The following PTPN13 variants were observed in gnomAD, a reference collection of about 807,000 sequenced individuals.
PTPN13 encodes the protein tyrosine-protein phosphatase non-receptor type 13.
In PTPN13, 191 loss-of-function variants were observed where a neutral mutation model predicts 284.0. The ratio of observed to expected loss-of-function variants is 0.67; its 90% CI spans 0.60 to 0.76. The LOEUF is 0.76. Ranked by LOEUF, PTPN13 falls within the 30% of genes least tolerant of loss-of-function variation. PTPN13 has a pLI of 0.00. For missense variants in PTPN13, 2,797 were observed against 2,939.9 expected (o/e 0.95, Z 1.12); for synonymous variants, 986 against 1,022.3 (o/e 0.96, Z 0.68).
chr4:86,682,942 A>G (rs1729055941), intron 3 of PTPN13, among the ~76,000 whole-genome samples: 1 of 152,202 alleles, frequency 6.6e-6, no homozygotes, highest in African/African-American at 2.4e-5. Flanking sequence ...TTTAACAAAG[A>G]TCTGACATAC....
chr4:86,716,582 T>A lies in PTPN13; in HGVS notation c.1248T>A (p.Ser416Arg). ...ATGGTGATGTCTTTAGTACCTCCAG[T>A]GAAAGTCCATCTATTATTTCCTCTG... is the stretch of plus-strand genomic sequence containing the variant. ...TYHGDVFSTS[S>R]ESPSIISSES... Residue 416 changes from serine (S) to arginine (R), a missense_variant, in exon 8 of 48, where the codon AGT becomes AGA. Physicochemically the swap from Ser to Arg is moderately radical, Grantham distance 110. Transcript: ENST00000411767. 1 of 1,600,218 alleles carries A rather than the reference T, an allele frequency of 6.2e-7. No individual in the cohort carries two copies. Among genetic ancestry groups the A allele is most frequent in the Non-Finnish European group, 8.5e-7 (1 of 1,173,260 alleles).
At chr4:86,605,057 A>C (rs1309643231) in intron 1 of PTPN13, among the ~76,000 whole-genome samples, 1 of 151,970 alleles carries the variant, frequency 6.6e-6, no homozygotes. Context: ...GGAGTAAAAC[A>C]AAAGATAAGA....
intron 2 of PTPN13, among the ~76,000 whole-genome samples, chr4:86,644,275 G>A (rs1724152308): frequency 6.6e-6 from 1 of 152,092 alleles, no homozygotes; most frequent in South Asian, 2.1e-4. Context: ...GGGACTACAG[G>A]TGTGTGCTAC....
chr4:86,722,238 G>A lies in PTPN13; in HGVS notation c.1412G>A (p.Gly471Asp). The change falls in exon 10 of 48, where the codon GGC (glycine) becomes GAC (aspartate). Residue 471 changes from glycine (G) to aspartate (D), a missense_variant. Gly to Asp is a moderately conservative substitution (Grantham distance 94, BLOSUM62 -1). Coordinates refer to ENST00000411767, the MANE Select transcript of PTPN13 (RefSeq NM_080683.3). ...PSRQYETPFE[G>D]NLINQEIMLK... ...AGACAATATGAAACACCCTTTGAAGGCAACTTAATTAATCAAGAGATCATG... is the reference window on the plus strand; with the variant it reads ...AGACAATATGAAACACCCTTTGAAGACAACTTAATTAATCAAGAGATCATG... 6.2e-7 allele frequency: 1 copy of A among 1,613,404 alleles called. No homozygotes were observed. Among genetic ancestry groups the A allele is most frequent in the Non-Finnish European group, 8.5e-7 (1 of 1,179,606 alleles).
rs964532333 is a variant in PTPN13 at position 86,683,312 on chromosome 4, G to T, written c.295-3398G>T. Among the ~76,000 whole-genome samples, 3 of 152,126 alleles carry T rather than the reference G, an allele frequency of 2.0e-5. No homozygotes were observed. The South Asian group carries it at 6.2e-4, about 31-fold the overall frequency. ...GATGTAGTTCAAGTCTGAGTCCGAA[G>T]GTCAGAGAAACAGTAGAATTGCTGG... On this transcript the variant is annotated intron_variant, in intron 3 of 47. Transcript: ENST00000411767.
chr4:86,682,346 G>A (rs1219734942), intron 3 of PTPN13, among the ~76,000 whole-genome samples: 1 of 152,028 alleles, frequency 6.6e-6, no homozygotes, highest in Non-Finnish European at 1.5e-5. Context: ...AGGTACGGAT[G>A]GACCAACAAA....
chr4:86,643,169 T>A (rs1017823855), intron 2 of PTPN13, among the ~76,000 whole-genome samples: 2 of 152,116 alleles, frequency 1.3e-5, no homozygotes, highest in Non-Finnish European at 2.9e-5. Context: ...ATTAATGAAA[T>A]GAGTAATTTC....
chr4:86,754,507 G>T (rs568077783), intron 20 of PTPN13, among the ~76,000 whole-genome samples: 1 of 151,646 alleles, frequency 6.6e-6, no homozygotes, highest in East Asian at 1.9e-4. Context: ...TTTTTCACAC[G>T]TAAGAAACCA....
intron 42 of PTPN13, among the ~76,000 whole-genome samples, chr4:86,800,550 G>T (rs1365878348): frequency 6.6e-6 from 1 of 152,012 alleles, no homozygotes; most frequent in Non-Finnish European, 1.5e-5. Context: ...TACTCGGGAG[G>T]CTGAGACAGG....
chr4:86,775,265 T>C lies in PTPN13; in HGVS notation c.5603T>C (p.Val1868Ala). 5.6e-6 allele frequency: 9 copies of C among 1,613,638 alleles called. No homozygotes were observed. The highest frequency in any genetic ancestry group is 7.6e-6 in the Non-Finnish European group (9 of 1,179,660). ...ACAGTCAGATTAGTTATTGGACGAG[T>C]TCTAGAATTACCCAGAATACCAATG... The part of the protein sequence containing the change: ...SKTVRLVIGR[V>A]LELPRIPMLP... Residue 1868 changes from valine to alanine, a missense_variant, in exon 34 of 48, where the codon GTT becomes GCT. Val to Ala is a moderately conservative substitution (Grantham distance 64). Transcript: ENST00000411767.
chr4:86,813,487 C>T (rs187335131), intron 47 of PTPN13, among the ~76,000 whole-genome samples: 1 of 151,964 alleles, frequency 6.6e-6, no homozygotes, highest in African/African-American at 2.4e-5. Context: ...ACTCTGTCAC[C>T]CAGGCTGGAG....
chr4:86,758,608 T>G (rs555641083), intron 21 of PTPN13, 70 bp from the exon 22 acceptor site: 17 of 1,309,446 alleles, frequency 1.3e-5, no homozygotes, highest in Non-Finnish European at 1.9e-5. Context: ...TTTCTGTGTT[T>G]CAGGCAGGCT....
Position 86,759,137 on chromosome 4 carries a change from A to T in PTPN13, c.3553+64A>T, listed in dbSNP as rs1738369994. 2.0e-6 allele frequency: 3 copies of T among 1,516,206 alleles called. No homozygotes were observed. The South Asian group carries it at 3.8e-5, about 19-fold the overall frequency. 93.9% of individuals were successfully genotyped at this position (1,516,206 alleles called of 1,614,324 possible). The stretch of plus-strand genomic sequence containing the variant: ...TTTTCTGTCTCATTCCTTTTTAGTG[A>T]TATTCGCACAAAAATGGATTCATTG... On this transcript the variant is annotated intron_variant, in intron 23 of 47. Transcript: ENST00000411767.
intron 45 of PTPN13, among the ~76,000 whole-genome samples, chr4:86,809,194 T>C (rs1744959299): frequency 6.6e-6 from 1 of 152,178 alleles, no homozygotes; most frequent in Non-Finnish European, 1.5e-5. Flanking sequence ...GCATTTGGAA[T>C]GGGGTCACCA....
chr4:86,776,651 A>G (rs902102416), intron 35 of PTPN13, among the ~76,000 whole-genome samples: 4 of 152,204 alleles, frequency 2.6e-5, no homozygotes, highest in Non-Finnish European at 4.4e-5. Flanking sequence ...CCTACCAAAC[A>G]TCACAGCTTA....
At chr4:86,595,324 A>G (rs547481549) in intron 1 of PTPN13, among the ~76,000 whole-genome samples, 41 of 151,968 alleles carry the variant, frequency 2.7e-4, no homozygotes, top group African/African-American at 9.2e-4. Context: ...TGTCTGATGC[A>G]AGGTCTTTTA....
Position 86,732,286 on chromosome 4 carries a change from TGTG to T in PTPN13, c.1609-110_1609-108del, listed in dbSNP as rs1212301579. ...TTTGTTTTAGATCACCTAGTTCTAA[TGTG>T]GTGATTTTGTAGTTTCATATGTAAT... On this transcript the variant is annotated intron_variant, in intron 10 of 47. Coordinates refer to ENST00000411767, the MANE Select transcript of PTPN13 (RefSeq NM_080683.3). The T allele has an allele frequency of 8.3e-6, 7 of 845,060 alleles. No individual in the cohort carries two copies. The Middle Eastern group carries it at 1.0e-3, about 126-fold the overall frequency. The allele number at this position is 845,060 out of a possible 1,614,324, so 52.3% of individuals were successfully genotyped here. A position where few individuals can be genotyped will look rare whatever the true frequency, so the allele number is the denominator to read the frequency against.
chr4:86,696,357 T>C (rs1236952799), intron 6 of PTPN13, among the ~76,000 whole-genome samples: 1 of 151,972 alleles, frequency 6.6e-6, no homozygotes, highest in African/African-American at 2.4e-5. Flanking sequence ...ATTTGTAGTA[T>C]ACTTCTTTAA....
intron 27 of PTPN13, 110 bp downstream of exon 27, chr4:86,766,627 C>G: frequency 1.4e-6 from 1 of 726,864 alleles, no homozygotes; most frequent in Non-Finnish European, 2.1e-6. Flanking sequence ...ATCAAGAAAC[C>G]AAGCCTGATA....
Sources: allele counts gnomAD v4.1 joint callset (sites outside exome capture counted in the v4.1 genomes callset), GRCh38; gene constraint gnomAD v4.1.1; transcripts MANE v1.5; gene names NCBI Gene and HGNC (gene_info 2026-07-23, HGNC 2026-07-21).